Variants in LHFPL2 observed in about 807,000 individuals in gnomAD.
LHFPL2 encodes LHFPL tetraspan subfamily member 2.
Under a neutral mutation model 17.5 loss-of-function variants are expected in LHFPL2, and 7 were observed. That is an observed-to-expected ratio of 0.40 (90% confidence interval 0.23 to 0.75). LHFPL2 has a LOEUF of 0.75. LHFPL2 is among the 30% of genes least tolerant of loss of function. The pLI, the probability that LHFPL2 is intolerant of heterozygous loss-of-function variation, is 0.37. For synonymous variants in LHFPL2, 134 were observed against 116.2 expected, an observed-to-expected ratio of 1.15 and a Z score of -0.99; for missense variants, 241 against 294.8, an observed-to-expected ratio of 0.82 and a Z score of 1.34.
chr5:78,611,850 C>T (rs535408202), intron 2 of LHFPL2, among the ~76,000 whole-genome samples: 6 of 152,186 alleles, frequency 3.9e-5, no homozygotes, highest in African/African-American at 1.2e-4. Context: ...TCAGAATATA[C>T]GGAGGCCACA....
intron 3 of LHFPL2, among the ~76,000 whole-genome samples, chr5:78,512,223 A>T (rs1755150725): frequency 6.6e-6 from 1 of 152,102 alleles, no homozygotes; most frequent in South Asian, 2.1e-4. Context: ...CATTAAGCAC[A>T]GGCTACTTAG....
At chr5:78,532,215 C>T (rs1466083305) in intron 3 of LHFPL2, among the ~76,000 whole-genome samples, 2 of 151,976 alleles carry the variant, frequency 1.3e-5, no homozygotes, top group African/African-American at 4.8e-5. Context: ...TGAGCCACTG[C>T]GCCCAGCCTA....
chr5:78,622,827 G>C (rs762998919), intron 2 of LHFPL2, among the ~76,000 whole-genome samples: 3 of 152,120 alleles, frequency 2.0e-5, no homozygotes, highest in Non-Finnish European at 2.9e-5. Context: ...GGTACAACTG[G>C]GATCCAGAAA....
intron 3 of LHFPL2, among the ~76,000 whole-genome samples, chr5:78,541,492 T>G (rs1756112776): frequency 6.6e-6 from 1 of 152,200 alleles, no homozygotes; most frequent in Non-Finnish European, 1.5e-5. Flanking sequence ...CGTTTCACAT[T>G]TACTCTGGTG....
intron 3 of LHFPL2, among the ~76,000 whole-genome samples, chr5:78,551,144 C>T (rs1756429354): frequency 1.3e-5 from 2 of 152,138 alleles, no homozygotes; most frequent in Non-Finnish European, 2.9e-5. Flanking sequence ...GGAAGCCTAA[C>T]TGCAATTTCA....
chr5:78,585,001 T>TGGAAAAGCGCAG (rs1561352378), intron 2 of LHFPL2, among the ~76,000 whole-genome samples: 4 of 48,842 alleles, frequency 8.2e-5, no homozygotes, highest in African/African-American at 2.5e-4. Flanking sequence ...CTGTGTTTTT[T>TGGAAAAGCGCAG]TTTTTTTTTT....
rs540526186 is a variant in LHFPL2 at position 78,488,509 on chromosome 5, A to T, written c.*388T>A. The T allele has an allele frequency of 4.4e-6, 1 of 228,682 alleles. No individual in the cohort carries two copies. Among genetic ancestry groups the T allele is most frequent in the Non-Finnish European group, 8.8e-6 (1 of 113,368 alleles). 14.2% of individuals were successfully genotyped at this position (228,682 alleles called of 1,614,324 possible). On this transcript the variant is annotated 3_prime_UTR_variant, in exon 5 of 5. Transcript: ENST00000380345. ...CCCAAAACCCCATTCTGAGGCAGAGATGCTCACAAGCAAGCAGTGTTGGAG... is the reference window on the plus strand; with the variant it reads ...CCCAAAACCCCATTCTGAGGCAGAGTTGCTCACAAGCAAGCAGTGTTGGAG...
At chr5:78,613,455 T>C (rs114936544) in intron 2 of LHFPL2, among the ~76,000 whole-genome samples, 2,378 of 152,302 alleles carry the variant, frequency 0.016, 64 homozygotes, top group African/African-American at 0.054. Context: ...CAAGTCACTT[T>C]GCATCATTTA....
chr5:78,553,972 C>T (rs1178365844), intron 3 of LHFPL2, among the ~76,000 whole-genome samples: 4 of 152,224 alleles, frequency 2.6e-5, no homozygotes, highest in African/African-American at 9.6e-5. Flanking sequence ...AACATTTAGA[C>T]ACCTCTCCAA....
intron 2 of LHFPL2, among the ~76,000 whole-genome samples, chr5:78,577,230 G>A (rs1561347316): frequency 6.6e-6 from 1 of 152,160 alleles, no homozygotes; most frequent in Admixed American, 6.5e-5. Context: ...AGGACTGATC[G>A]TCCTGATGCC....
chr5:78,587,357 G>T (rs903040288), intron 2 of LHFPL2, among the ~76,000 whole-genome samples: 1 of 152,186 alleles, frequency 6.6e-6, no homozygotes, highest in African/African-American at 2.4e-5. Context: ...CATTATGGAA[G>T]AATTTCACCA....
At chr5:78,622,246 C>T (rs751336674) in intron 2 of LHFPL2, among the ~76,000 whole-genome samples, 26 of 152,174 alleles carry the variant, frequency 1.7e-4, no homozygotes, top group African/African-American at 9.7e-5. Context: ...GCTACCTAAA[C>T]GCTCTGAGCA....
At chr5:78,533,399 C>T (rs1755843923) in intron 3 of LHFPL2, among the ~76,000 whole-genome samples, 2 of 152,192 alleles carry the variant, frequency 1.3e-5, no homozygotes, top group African/African-American at 4.8e-5. Flanking sequence ...AGACTTATGA[C>T]AAATGCATAT....
At chr5:78,491,141 AG>A (rs1190247993) in intron 4 of LHFPL2, 1 of 152,262 alleles carries the variant, frequency 6.6e-6, no homozygotes, top group Non-Finnish European at 1.5e-5. Flanking sequence ...TGTCACTACC[AG>A]GGCATTTTGG....
chr5:78,640,400 T>A (rs556818423), intron 1 of LHFPL2, among the ~76,000 whole-genome samples: 53 of 152,296 alleles, frequency 3.5e-4, no homozygotes, highest in Admixed American at 7.2e-4. Flanking sequence ...TGGATTTGGG[T>A]TGCAACCCCC....
intron 3 of LHFPL2, among the ~76,000 whole-genome samples, chr5:78,557,838 C>G (rs577532137): frequency 3.5e-4 from 54 of 152,294 alleles, no homozygotes; most frequent in African/African-American, 1.3e-3. Context: ...TAACATGTGC[C>G]AAGTGGCTGG....
At chr5:78,583,405 T>G (rs1243560124) in intron 2 of LHFPL2, among the ~76,000 whole-genome samples, 2 of 151,482 alleles carry the variant, frequency 1.3e-5, no homozygotes, top group African/African-American at 4.8e-5. Context: ...TGGCATGATT[T>G]TGCAGCGGCT....
intron 2 of LHFPL2, among the ~76,000 whole-genome samples, chr5:78,617,907 TA>T (rs35957951): frequency 0.44 from 67,357 of 151,922 alleles, 15,360 homozygotes; most frequent in African/African-American, 0.55. Flanking sequence ...TCATGACCCT[TA>T]AAAAAATTCA....
intron 3 of LHFPL2, among the ~76,000 whole-genome samples, chr5:78,536,874 C>G (rs1321474680): frequency 9.2e-5 from 14 of 152,176 alleles, no homozygotes; most frequent in Admixed American, 9.2e-4. Context: ...GGCTTTTTTC[C>G]AGCTTCAGCC....
Sources: allele counts gnomAD v4.1 joint callset (sites outside exome capture counted in the v4.1 genomes callset), GRCh38; gene constraint gnomAD v4.1.1; transcripts MANE v1.5; gene names NCBI Gene and HGNC (gene_info 2026-07-23, HGNC 2026-07-21).